The following CEP112 variants were observed in gnomAD, a reference collection of about 807,000 sequenced individuals.
The protein encoded by CEP112 is centrosomal protein of 112 kDa.
CEP112 carries 127 observed loss-of-function variants against 153.0 expected under a neutral mutation model. The ratio of observed to expected loss-of-function variants is 0.83; its 90% CI spans 0.72 to 0.96. CEP112 has a LOEUF of 0.96. CEP112 is among the 40% of genes least tolerant of loss of function. CEP112 has a pLI of 0.00. For synonymous variants in CEP112, 358 were observed against 374.4 expected (o/e 0.96, Z 0.51); for missense variants, 1,089 against 1,101.2 (o/e 0.99, Z 0.16).
intron 21 of CEP112, among the ~76,000 whole-genome samples, chr17:65,755,126 A>G (rs1196327046): frequency 1.3e-5 from 2 of 152,144 alleles, no homozygotes; most frequent in Non-Finnish European, 2.9e-5. Context: ...AAATAATAAA[A>G]AGAGAAATAC....
intron 4 of CEP112, among the ~76,000 whole-genome samples, chr17:66,168,562 T>G (rs924587866): frequency 3.3e-5 from 5 of 151,632 alleles, no homozygotes; most frequent in Admixed American, 6.6e-5. Context: ...TATATATATA[T>G]TTTTAACCAT....
At chr17:66,079,211 G>T (rs1286269425) in intron 8 of CEP112, among the ~76,000 whole-genome samples, 3 of 152,130 alleles carry the variant, frequency 2.0e-5, no homozygotes, top group African/African-American at 7.2e-5. Context: ...AGGCTGAAAT[G>T]GGTGGATCAC....
Position 65,970,487 on chromosome 17 carries a change from GCA to G in CEP112, c.1737-8891_1737-8890del, listed in dbSNP as rs144028251. 4.5e-5 allele frequency among the ~76,000 whole-genome samples: 3 copies of G among 66,622 alleles called. No homozygotes were observed. In the Admixed American group the frequency reaches 8.0e-4, roughly 18 times the overall value. 43.7% of individuals were successfully genotyped at this position (66,622 alleles called of 152,430 possible). On this transcript the variant is annotated intron_variant, in intron 17 of 26. Transcript: ENST00000535342. ...ACACATGCATGTATATTACATGCAT[GCA>G]CACTACATGCATATTATATGCATGC... is the stretch of plus-strand genomic sequence containing the variant.
chr17:66,007,841 C>A (rs1021400827), intron 16 of CEP112, among the ~76,000 whole-genome samples: 24 of 152,124 alleles, frequency 1.6e-4, no homozygotes, highest in African/African-American at 5.1e-4. Flanking sequence ...TTGCTTTAAT[C>A]GTTCTTTCTT....
chr17:65,902,872 T>C (rs1221317368), intron 19 of CEP112, among the ~76,000 whole-genome samples: 4 of 152,190 alleles, frequency 2.6e-5, no homozygotes, highest in Non-Finnish European at 5.9e-5. Flanking sequence ...ACAGATGTTA[T>C]GTGTTCCAGA....
intron 8 of CEP112, among the ~76,000 whole-genome samples, chr17:66,084,685 G>A (rs564705466): frequency 1.7e-4 from 26 of 152,200 alleles, no homozygotes; most frequent in African/African-American, 5.5e-4. Context: ...GGGAAGGCAG[G>A]GGGGGAGTTG....
chr17:65,763,326 G>C (rs959648065), intron 21 of CEP112, among the ~76,000 whole-genome samples: 1 of 151,886 alleles, frequency 6.6e-6, no homozygotes, highest in African/African-American at 2.4e-5. Context: ...GGTGTTTTCT[G>C]AGCTTACAGA....
intron 20 of CEP112, among the ~76,000 whole-genome samples, chr17:65,858,552 T>C (rs991026055): frequency 1.3e-5 from 2 of 152,174 alleles, no homozygotes; most frequent in African/African-American, 4.8e-5. Context: ...TTAATGTTAT[T>C]AATATCTCTC....
chr17:65,970,946 T>A (rs894021677), intron 17 of CEP112, among the ~76,000 whole-genome samples: 1 of 143,644 alleles, frequency 7.0e-6, no homozygotes, highest in African/African-American at 2.5e-5. Context: ...CCATATTATA[T>A]TACATACCTA....
Position 66,068,622 on chromosome 17 carries a change from T to C in CEP112, c.855+1293A>G, listed in dbSNP as rs1214086816. Among the ~76,000 whole-genome samples, 5 of 152,218 alleles carry C rather than the reference T, an allele frequency of 3.3e-5. No individual in the cohort carries two copies. The East Asian group carries it at 9.6e-4, about 29-fold the overall frequency. ...AGCATAAAGGATTTTATTTATATTT[T>C]ACTTGGCACTTCAAACTAGTTGCAC... On this transcript the variant is annotated intron_variant, in intron 9 of 26. Coordinates refer to ENST00000535342, the MANE Select transcript of CEP112 (RefSeq NM_001199165.4).
chr17:65,811,910 A>G (rs2055982222), intron 21 of CEP112, among the ~76,000 whole-genome samples: 2 of 152,148 alleles, frequency 1.3e-5, no homozygotes, highest in South Asian at 4.1e-4. Flanking sequence ...TTACTACTAA[A>G]TACCTGTAAA....
chr17:65,673,782 A>G (rs1197226696), intron 24 of CEP112, among the ~76,000 whole-genome samples: 2 of 152,250 alleles, frequency 1.3e-5, no homozygotes. Context: ...TAAAATATTG[A>G]ATAAAAAATT....
At chr17:66,038,297 A>G (rs2065827778) in intron 12 of CEP112, among the ~76,000 whole-genome samples, 1 of 152,168 alleles carries the variant, frequency 6.6e-6, no homozygotes, top group African/African-American at 2.4e-5. Flanking sequence ...TTTTGTATAT[A>G]CTGATGCCAA....
chr17:65,975,931 G>T (rs1259812694), intron 17 of CEP112, among the ~76,000 whole-genome samples: 1 of 152,202 alleles, frequency 6.6e-6, no homozygotes, highest in Non-Finnish European at 1.5e-5. Context: ...AATCTGAAAT[G>T]AATATCCCAA....
chr17:65,961,675 C>T (rs896990275), intron 17 of CEP112, 77 bp from the exon 18 acceptor site: 3 of 1,296,106 alleles, frequency 2.3e-6, no homozygotes, highest in South Asian at 1.7e-5. Context: ...ATTTAACCCC[C>T]TCTAAAATAA....
chr17:65,723,333 G>A (rs1030481691), intron 23 of CEP112, among the ~76,000 whole-genome samples: 12 of 152,122 alleles, frequency 7.9e-5, no homozygotes, highest in Non-Finnish European at 1.5e-5. Flanking sequence ...AAATAGAGAG[G>A]AAAGTAAATA....
At chr17:65,737,208 C>T (rs2050854826) in intron 23 of CEP112, among the ~76,000 whole-genome samples, 1 of 152,052 alleles carries the variant, frequency 6.6e-6, no homozygotes, top group Non-Finnish European at 1.5e-5. Flanking sequence ...ACCAACAGAA[C>T]AATATCGGGT....
chr17:65,855,170 T>C (rs888566223), intron 20 of CEP112, among the ~76,000 whole-genome samples: 6 of 152,126 alleles, frequency 3.9e-5, no homozygotes, highest in African/African-American at 1.2e-4. Flanking sequence ...AAGAAAATAA[T>C]AGAAAACCGC....
chr17:66,037,173 A>G (rs1006562873), intron 12 of CEP112, among the ~76,000 whole-genome samples: 8 of 152,230 alleles, frequency 5.3e-5, no homozygotes, highest in African/African-American at 1.9e-4. Flanking sequence ...GTGTGGAAAT[A>G]AAAGTGGCTC....
Sources: gnomAD v4.1 joint callset for allele counts (sites outside exome capture counted in the v4.1 genomes callset) on GRCh38, gnomAD v4.1.1 for gene constraint, MANE v1.5 for transcripts, NCBI Gene and HGNC (gene_info 2026-07-23, HGNC 2026-07-21) for gene names.